Variants in HLCS observed in about 807,000 individuals in gnomAD.
The protein encoded by HLCS is holocarboxylase synthetase, also known as biotin--protein ligase.
In HLCS, 53 loss-of-function variants were observed where a neutral mutation model predicts 75.0. The ratio of observed to expected loss-of-function variants is 0.71; its 90% CI spans 0.57 to 0.89. The LOEUF (loss-of-function observed/expected upper bound fraction) is 0.89. HLCS is among the 40% of genes least tolerant of loss of function. The probability of loss-of-function intolerance (pLI) is 0.00; values close to 1 mark genes in which losing one functional copy is unlikely to be tolerated. For missense variants in HLCS, 966 were observed against 1,074.0 expected (o/e 0.90, Z 1.41); for synonymous variants, 431 against 428.6 (o/e 1.01, Z -0.07).
intron 6 of HLCS, among the ~76,000 whole-genome samples, chr21:36,816,940 A>G (rs1946204770): frequency 6.6e-6 from 1 of 152,200 alleles, no homozygotes; most frequent in African/African-American, 2.4e-5. Context: ...GGATCAGAGG[A>G]GTCAGCTGTG....
intron 6 of HLCS, among the ~76,000 whole-genome samples, chr21:36,855,584 ATGTT>A (rs1323068612): frequency 6.6e-6 from 1 of 150,694 alleles, no homozygotes; most frequent in South Asian, 2.1e-4. Context: ...GCAGTACAAA[ATGTT>A]TGTTTGTTTG....
chr21:36,966,748 G>C (rs1188491856), upstream of HLCS: 1 of 359,776 alleles, frequency 2.8e-6, no homozygotes, highest in African/African-American at 2.2e-5. Context: ...CAGGCGGCGC[G>C]GGGGTGGGGA....
chr21:36,846,556 G>A (rs898070754), intron 6 of HLCS, among the ~76,000 whole-genome samples: 8 of 152,052 alleles, frequency 5.3e-5, no homozygotes, highest in Non-Finnish European at 1.0e-4. Flanking sequence ...TGTTTTTGGC[G>A]AAACAAAGAG....
intron 6 of HLCS, among the ~76,000 whole-genome samples, chr21:36,773,887 A>C (rs561698043): frequency 6.6e-6 from 1 of 152,238 alleles, no homozygotes; most frequent in African/African-American, 2.4e-5. Flanking sequence ...CACATATTAC[A>C]TTGTAAAAAC....
At chr21:36,988,432 G>A (rs1162372505) in intron 1 of HLCS, among the ~76,000 whole-genome samples, 2 of 151,992 alleles carry the variant, frequency 1.3e-5, no homozygotes, top group African/African-American at 4.8e-5. Context: ...GATGTACCAG[G>A]GTTTATTCAC....
At chr21:36,929,528 T>C (rs1035912301) in intron 5 of HLCS, among the ~76,000 whole-genome samples, 3 of 152,262 alleles carry the variant, frequency 2.0e-5, no homozygotes, top group African/African-American at 4.8e-5. Context: ...CAAGAGAAAG[T>C]AGGTAAGTTT....
intron 1 of HLCS, 73 bp downstream of exon 1, chr21:36,966,370 CG>C: frequency 1.5e-6 from 1 of 670,008 alleles, no homozygotes; most frequent in Non-Finnish European, 1.8e-6. Flanking sequence ...GGGCTCCCGG[CG>C]GGGACGAGGC....
At chr21:36,789,798 G>A (rs2060803449) in intron 6 of HLCS, among the ~76,000 whole-genome samples, 1 of 152,170 alleles carries the variant, frequency 6.6e-6, no homozygotes, top group Non-Finnish European at 1.5e-5. Flanking sequence ...TTTACTTTAA[G>A]TGGTCTGAGC....
chr21:36,796,868 CTTT>C (rs35181716), intron 6 of HLCS, among the ~76,000 whole-genome samples: 1 of 146,370 alleles, frequency 6.8e-6, no homozygotes, highest in Non-Finnish European at 1.5e-5. Flanking sequence ...TTATCATGAT[CTTT>C]TTTTTTTTTT....
chr21:36,931,946 C>T (rs2066664937), intron 4 of HLCS, among the ~76,000 whole-genome samples: 1 of 152,118 alleles, frequency 6.6e-6, no homozygotes, highest in Admixed American at 6.5e-5. Flanking sequence ...CGTTTTCCCC[C>T]CACATCCCCA....
intron 6 of HLCS, among the ~76,000 whole-genome samples, chr21:36,785,845 C>A (rs554941899): frequency 6.6e-6 from 1 of 152,200 alleles, no homozygotes; most frequent in Non-Finnish European, 1.5e-5. Flanking sequence ...CTCCCTCCCA[C>A]CTATGAGTCT....
intron 6 of HLCS, among the ~76,000 whole-genome samples, chr21:36,864,672 T>C (rs1441920752): frequency 6.6e-6 from 1 of 152,238 alleles, no homozygotes; most frequent in African/African-American, 2.4e-5. Flanking sequence ...ATGTTTTAAA[T>C]TTTAATAAAA....
Position 36,962,654 on chromosome 21 carries a change from A to G in HLCS, c.196-484T>C, listed in dbSNP as rs532450458. Among the ~76,000 whole-genome samples, 28 of 152,002 alleles carry G rather than the reference A, an allele frequency of 1.8e-4. No homozygotes were observed. In the East Asian group the frequency reaches 5.2e-3, roughly 28 times the overall value. On this transcript the variant is annotated intron_variant, in intron 1 of 10. Coordinates refer to ENST00000674895, the MANE Select transcript of HLCS (RefSeq NM_001352514.2). The stretch of plus-strand genomic sequence containing the variant: ...AACATACCAAAAAAATGAGTTGGGC[A>G]TGGGGGTGGGTGCCTGTAGTCCCAG...
chr21:36,877,618 C>T (rs1447536278), intron 6 of HLCS, among the ~76,000 whole-genome samples: 1 of 152,056 alleles, frequency 6.6e-6, no homozygotes, highest in Non-Finnish European at 1.5e-5. Flanking sequence ...TACAATTTTG[C>T]TTTAGGTAGA....
chr21:36,767,928 TG>T lies in HLCS; in HGVS notation c.1893-644del, dbSNP rs1257999018. Among the ~76,000 whole-genome samples, 5 of 152,286 alleles carry T rather than the reference TG, an allele frequency of 3.3e-5. No homozygotes were observed. The East Asian group carries it at 9.6e-4, about 29-fold the overall frequency. On this transcript the variant is annotated intron_variant, in intron 6 of 10. Transcript: ENST00000674895. ...ATTGAAAAGAATACAAACTTTCCTT[TG>T]GGGGATAGGTAGAAAAGGGCATTAC...
rs552774813 is a variant in HLCS at position 36,897,161 on chromosome 21, C to G, written c.1621-30G>C. 12 of 1,613,190 alleles carry G rather than the reference C, an allele frequency of 7.4e-6. 1 individual carries two copies. In the South Asian group the frequency reaches 1.2e-4, roughly 16 times the overall value. Reference sequence around the variant, plus strand: ...GTCATAAAGAAAGAAATGAGATGGTCGTAATTTGGCATTACATTAGATCAT... The same window carrying G: ...GTCATAAAGAAAGAAATGAGATGGTGGTAATTTGGCATTACATTAGATCAT... On this transcript the variant is annotated intron_variant, in intron 5 of 10. Transcript: ENST00000674895.
intron 1 of HLCS, chr21:36,973,496 G>C (rs140307312): frequency 4.6e-4 from 70 of 152,216 alleles, no homozygotes; most frequent in African/African-American, 1.5e-3. Context: ...TACACCCATC[G>C]GTTTGGCAGA....
intron 6 of HLCS, among the ~76,000 whole-genome samples, chr21:36,832,697 CCTAA>C (rs113593419): frequency 0.011 from 1,702 of 152,336 alleles, 21 homozygotes; most frequent in African/African-American, 0.038. Flanking sequence ...GAGGCCATTC[CCTAA>C]CTCTTTGTTC....
Position 36,966,535 on chromosome 21 carries a change from G to T in HLCS, c.104C>A (p.Ser35Tyr). ...CGCGGCCGCGCCGCAGAAGGTGAAG[G>T]AACAGCGCGAGGCACGCAGCCGCCG... ...TVRRLRASRC[S>Y]FTFCGAAAQP... The change falls in exon 1 of 11, where the codon TCC (serine) becomes TAC (tyrosine). Residue 35 changes from serine (S) to tyrosine (Y), a missense_variant. Coordinates refer to ENST00000674895, the MANE Select transcript of HLCS (RefSeq NM_001352514.2). 2 of 1,000,530 alleles carry T rather than the reference G, an allele frequency of 2.0e-6. No individual in the cohort carries two copies. Among genetic ancestry groups the T allele is most frequent in the Non-Finnish European group, 2.4e-6 (2 of 842,292 alleles). 62.0% of individuals were successfully genotyped at this position (1,000,530 alleles called of 1,614,324 possible).
Sources: gnomAD v4.1 joint callset for allele counts (sites outside exome capture counted in the v4.1 genomes callset) on GRCh38, gnomAD v4.1.1 for gene constraint, MANE v1.5 for transcripts, NCBI Gene and HGNC (gene_info 2026-07-23, HGNC 2026-07-21) for gene names.